CYB5R4: variants seen among roughly 807,000 people sequenced by gnomAD.
CYB5R4 encodes cytochrome b5 reductase 4, also known as N-terminal cytochrome b5 and cytochrome b5 oxidoreductase domain-containing protein.
CYB5R4 carries 55 observed loss-of-function variants against 70.2 expected under a neutral mutation model. The observed-to-expected ratio is 0.78, with a 90% CI of 0.63 to 0.98. The LOEUF (loss-of-function observed/expected upper bound fraction) is 0.98. CYB5R4 is among the 50% of genes least tolerant of loss of function. The pLI, the probability that CYB5R4 is intolerant of heterozygous loss-of-function variation, is 0.00. For synonymous variants in CYB5R4, 197 were observed against 199.5 expected, an observed-to-expected ratio of 0.99 and a Z score of 0.11; for missense variants, 562 against 612.6, an observed-to-expected ratio of 0.92 and a Z score of 0.87.
intron 3 of CYB5R4, among the ~76,000 whole-genome samples, chr6:83,900,776 A>G (rs1040692082): frequency 1.3e-5 from 2 of 152,210 alleles, no homozygotes; most frequent in East Asian, 1.9e-4. Flanking sequence ...TTCATCAGAG[A>G]CTAGGATTGC....
rs756249569 is a variant in CYB5R4 at position 83,934,775 on chromosome 6, T to C, written c.955+40T>C. On this transcript the variant is annotated intron_variant, in intron 11 of 15. Transcript: ENST00000369681. ...GGCTTTGGGACACAATTTATTCTTT[T>C]ATAAGCAGTTCAAAATCAGTACTAT... is the stretch of plus-strand genomic sequence containing the variant. The C allele has an allele frequency of 5.0e-5, 78 of 1,559,692 alleles. No individual in the cohort carries two copies. The Middle Eastern group carries it at 1.0e-3, about 21-fold the overall frequency.
chr6:83,899,259 G>C (rs527318675), intron 3 of CYB5R4, among the ~76,000 whole-genome samples: 1 of 152,222 alleles, frequency 6.6e-6, no homozygotes, highest in African/African-American at 2.4e-5. Flanking sequence ...TTATATGCTG[G>C]ATTACGTTTA....
At position 83,909,009 on chromosome 6, in the gene CYB5R4, G is replaced by T. The variant is rs2099464270; in HGVS notation, c.331G>T (p.Val111Phe). ...GSDGTELFDQ[V>F]HRWVNYESML... is the part of the protein sequence containing the mutation. Reference sequence around the variant, plus strand: ...TTCCATCATTTGTTTTACATACCAGGTTCATCGTTGGGTCAATTATGAATC... The same window carrying T: ...TTCCATCATTTGTTTTACATACCAGTTTCATCGTTGGGTCAATTATGAATC... Residue 111 changes from valine to phenylalanine, a missense_variant and splice_region_variant, in exon 4 of 16, where the codon GTT becomes TTT. Physicochemically the swap from Val to Phe is conservative, Grantham distance 50. Coordinates refer to ENST00000369681, the MANE Select transcript of CYB5R4 (RefSeq NM_016230.4). 11 of 1,612,954 alleles carry T rather than the reference G, an allele frequency of 6.8e-6. No individual in the cohort carries two copies. The highest frequency in any genetic ancestry group is 9.3e-6 in the Non-Finnish European group (11 of 1,179,112).
At chr6:83,912,694 A>G (rs943610036) in intron 4 of CYB5R4, among the ~76,000 whole-genome samples, 4 of 152,260 alleles carry the variant, frequency 2.6e-5, no homozygotes, top group African/African-American at 4.8e-5. Context: ...CTTTTCAGAG[A>G]AGAAAGTATC....
At chr6:83,879,458 TG>T (rs1250361669) in intron 2 of CYB5R4, among the ~76,000 whole-genome samples, 2 of 152,164 alleles carry the variant, frequency 1.3e-5, no homozygotes, top group Non-Finnish European at 2.9e-5. Flanking sequence ...AGTTAGTATT[TG>T]CCTCCTGTCA....
intron 2 of CYB5R4, among the ~76,000 whole-genome samples, chr6:83,867,469 A>G (rs559934174): frequency 2.6e-5 from 4 of 152,342 alleles, no homozygotes; most frequent in Admixed American, 1.3e-4. Context: ...ATGTGGGGAC[A>G]GTGTTATAAG....
chr6:83,890,309 A>C (rs1346247616), intron 2 of CYB5R4, among the ~76,000 whole-genome samples: 1 of 152,200 alleles, frequency 6.6e-6, no homozygotes, highest in Non-Finnish European at 1.5e-5. Flanking sequence ...TCCAGCCCTC[A>C]TGGGTAACTT....
At chr6:83,883,575 A>G (rs1400567654) in intron 2 of CYB5R4, among the ~76,000 whole-genome samples, 1 of 152,200 alleles carries the variant, frequency 6.6e-6, no homozygotes, top group Non-Finnish European at 1.5e-5. Flanking sequence ...CTTGAAGGAT[A>G]AAGATGAAAT....
At chr6:83,924,644 AGTTGTAC>A (rs1380355879) in intron 10 of CYB5R4, 52 bp downstream of exon 10, 1 of 1,575,084 alleles carries the variant, frequency 6.3e-7, no homozygotes, top group African/African-American at 1.4e-5. Flanking sequence ...AATTGTTGTT[AGTTGTAC>A]AGTTGTACCA....
chr6:83,917,908 T>C lies in CYB5R4; in HGVS notation c.446-97T>C, dbSNP rs544491825. 49 of 920,154 alleles carry C rather than the reference T, an allele frequency of 5.3e-5. No individual in the cohort carries two copies. The South Asian group carries it at 7.0e-4, about 13-fold the overall frequency. 57.0% of individuals were successfully genotyped at this position (920,154 alleles called of 1,614,324 possible). ...TAGTACATTTGTGATTTGTATCCTTTTATGAATATATGTGATATTTCACTA... is the reference window on the plus strand; with the variant it reads ...TAGTACATTTGTGATTTGTATCCTTCTATGAATATATGTGATATTTCACTA... On this transcript the variant is annotated intron_variant, in intron 5 of 15. Transcript: ENST00000369681.
At chr6:83,898,671 G>A (rs1473926355) in intron 3 of CYB5R4, among the ~76,000 whole-genome samples, 7 of 152,052 alleles carry the variant, frequency 4.6e-5, no homozygotes, top group Non-Finnish European at 1.0e-4. Flanking sequence ...CCTTGAAGAG[G>A]TCCTTCACAT....
chr6:83,881,879 C>A (rs763914600), intron 2 of CYB5R4, among the ~76,000 whole-genome samples: 21 of 152,170 alleles, frequency 1.4e-4, no homozygotes, highest in Non-Finnish European at 2.8e-4. Context: ...TATACCGATA[C>A]CACATTTACT....
intron 2 of CYB5R4, among the ~76,000 whole-genome samples, chr6:83,875,581 A>G (rs755996657): frequency 6.6e-6 from 1 of 152,164 alleles, no homozygotes; most frequent in Non-Finnish European, 1.5e-5. Context: ...TCCACAGTGC[A>G]AAGTAAAAGC....
At chr6:83,861,663 G>A (rs1384287263) in intron 1 of CYB5R4, among the ~76,000 whole-genome samples, 3 of 152,312 alleles carry the variant, frequency 2.0e-5, no homozygotes, top group South Asian at 2.1e-4. Flanking sequence ...AGTGTGCCTT[G>A]CCATAGGATG....
intron 3 of CYB5R4, among the ~76,000 whole-genome samples, chr6:83,908,123 G>A (rs910150290): frequency 3.9e-5 from 6 of 151,952 alleles, no homozygotes; most frequent in Admixed American, 1.3e-4. Flanking sequence ...TCTTTTCTCC[G>A]CAACCTCGCC....
At chr6:83,921,302 T>G (rs1302392993) in intron 8 of CYB5R4, 127 bp downstream of exon 8, 1 of 834,816 alleles carries the variant, frequency 1.2e-6, no homozygotes, top group African/African-American at 1.8e-5. Context: ...TCATTTTTGA[T>G]CAGTTTTTTT....
chr6:83,893,984 AAC>A (rs1263461503), intron 3 of CYB5R4, among the ~76,000 whole-genome samples: 1 of 152,172 alleles, frequency 6.6e-6, no homozygotes, highest in African/African-American at 2.4e-5. Flanking sequence ...AATCACTTTA[AAC>A]AAGTAACTTA....
At chr6:83,953,452 G>T (rs1184154546) in intron 14 of CYB5R4, among the ~76,000 whole-genome samples, 2 of 151,246 alleles carry the variant, frequency 1.3e-5, no homozygotes, top group Non-Finnish European at 2.9e-5. Context: ...ACAGTTGCAG[G>T]CATTTTCTTT....
chr6:83,883,194 A>G (rs546416814), intron 2 of CYB5R4, among the ~76,000 whole-genome samples: 2 of 152,330 alleles, frequency 1.3e-5, no homozygotes, highest in African/African-American at 4.8e-5. Flanking sequence ...AGAGAGGAAA[A>G]TTATCAGAAA....
Sources: gnomAD v4.1 joint callset for allele counts (sites outside exome capture counted in the v4.1 genomes callset) on GRCh38, gnomAD v4.1.1 for gene constraint, MANE v1.5 for transcripts, NCBI Gene and HGNC (gene_info 2026-07-23, HGNC 2026-07-21) for gene names.